GRK5: variants seen among roughly 807,000 people sequenced by gnomAD.
GRK5 encodes g protein-coupled receptor kinase GRK5.
GRK5 carries 40 observed loss-of-function variants against 78.4 expected under a neutral mutation model. That is an observed-to-expected ratio of 0.51 (90% CI 0.40 to 0.66). The LOEUF (loss-of-function observed/expected upper bound fraction) is 0.66. GRK5 is among the 30% of genes least tolerant of loss of function. The pLI is 0.00. For missense variants in GRK5, 598 were observed against 759.9 expected, an observed-to-expected ratio of 0.79 and a Z score of 2.50; for synonymous variants, 289 against 296.8, an observed-to-expected ratio of 0.97 and a Z score of 0.27.
rs1326586116 is a variant in GRK5 at position 119,368,588 on chromosome 10, A to G, written c.149-12227A>G. 2.6e-5 allele frequency among the ~76,000 whole-genome samples: 4 copies of G among 152,372 alleles called. No homozygotes were observed. The East Asian group carries it at 7.7e-4, about 29-fold the overall frequency. ...TTTGTAAAAGGGGAAACCAAGGTCC[A>G]GAGAGAAGAATGATGGGTCAGAGGT... On this transcript the variant is annotated intron_variant, in intron 2 of 15. Transcript: ENST00000392870.
intron 1 of GRK5, among the ~76,000 whole-genome samples, chr10:119,298,768 G>A (rs1399791374): frequency 6.6e-6 from 1 of 151,784 alleles, no homozygotes; most frequent in Non-Finnish European, 1.5e-5. Flanking sequence ...TTCATGCTCT[G>A]GCATGTTCAG....
At chr10:119,346,762 C>G (rs1851102510) in intron 2 of GRK5, among the ~76,000 whole-genome samples, 4 of 152,142 alleles carry the variant, frequency 2.6e-5, no homozygotes, top group Admixed American at 2.6e-4. Flanking sequence ...CCGGGTCCCC[C>G]AGGCTCCGGC....
rs770485408 is a variant in GRK5 at position 119,452,660 on chromosome 10, G to T, written c.1405-11G>T. ...GGGACATATGTGTGACCGGCCCTCT[G>T]CCCCTGGCAGCCCCGCGCTGTGTAC... On this transcript the variant is annotated splice_polypyrimidine_tract_variant and intron_variant, in intron 13 of 15. Transcript: ENST00000392870. This position sits in a 1 kb window ranked among gnomAD's most constrained non-coding sequence, Gnocchi z 4.4. The T allele has an allele frequency of 9.9e-6, 16 of 1,613,710 alleles. No homozygotes were observed. In the South Asian group the frequency reaches 1.6e-4, roughly 17 times the overall value.
intron 1 of GRK5, among the ~76,000 whole-genome samples, chr10:119,246,280 A>G (rs922167666): frequency 6.6e-6 from 1 of 152,082 alleles, no homozygotes; most frequent in South Asian, 2.1e-4. Flanking sequence ...ACCTCATACA[A>G]TGTAAATGCT....
At chr10:119,277,477 C>T (rs1419781471) in intron 1 of GRK5, among the ~76,000 whole-genome samples, 1 of 152,194 alleles carries the variant, frequency 6.6e-6, no homozygotes, top group Non-Finnish European at 1.5e-5. Context: ...CCCTCTCCCC[C>T]TCTTCTGCTC....
intron 1 of GRK5, among the ~76,000 whole-genome samples, chr10:119,244,273 T>G (rs1849070554): frequency 6.6e-6 from 1 of 152,266 alleles, no homozygotes; most frequent in Non-Finnish European, 1.5e-5. Flanking sequence ...AAATTTATAT[T>G]CTAATAGACC....
intron 1 of GRK5, among the ~76,000 whole-genome samples, chr10:119,260,877 A>G (rs1849371689): frequency 6.6e-6 from 1 of 151,988 alleles, no homozygotes; most frequent in South Asian, 2.1e-4. Context: ...CTATTCCACA[A>G]AACCGCCATT....
At chr10:119,233,771 T>C (rs1169869667) in intron 1 of GRK5, among the ~76,000 whole-genome samples, 1 of 152,106 alleles carries the variant, frequency 6.6e-6, no homozygotes, top group Non-Finnish European at 1.5e-5. Context: ...GAAGGCTGGA[T>C]GTGCACCTTT....
rs1851659079 is a variant in GRK5, at chr10:119,378,463, G to T, written c.149-2352G>T. Among the ~76,000 whole-genome samples the T allele has an allele frequency of 6.6e-6, 1 of 152,210 alleles. No homozygotes were observed. Among genetic ancestry groups the T allele is most frequent in the South Asian group, 2.1e-4 (1 of 4,834 alleles). ...TTTTAGAGTGCCTTCTTCAACATACGCTACTTAGACCGGGCGAATTCCTCC... is the reference window on the plus strand; with the variant it reads ...TTTTAGAGTGCCTTCTTCAACATACTCTACTTAGACCGGGCGAATTCCTCC... On this transcript the variant is annotated intron_variant, in intron 2 of 15. Coordinates refer to ENST00000392870, the MANE Select transcript of GRK5 (RefSeq NM_005308.3). This position sits in a 1 kb window ranked among gnomAD's most constrained non-coding sequence, Gnocchi z 4.5.
At chr10:119,290,840 T>C (rs1356837143) in intron 1 of GRK5, among the ~76,000 whole-genome samples, 1 of 152,006 alleles carries the variant, frequency 6.6e-6, no homozygotes, top group African/African-American at 2.4e-5. Flanking sequence ...ATCTCTTCCT[T>C]GTTTGTCTCA....
intron 11 of GRK5, 126 bp downstream of exon 11, chr10:119,442,214 C>A: frequency 1.3e-6 from 1 of 793,346 alleles, no homozygotes; most frequent in Non-Finnish European, 2.1e-6. Context: ...CACACAGAGT[C>A]ACAGTCTCTG....
At chr10:119,270,043 G>A (rs1178565745) in intron 1 of GRK5, among the ~76,000 whole-genome samples, 1 of 152,082 alleles carries the variant, frequency 6.6e-6, no homozygotes, top group African/African-American at 2.4e-5. Flanking sequence ...CCTCTGCCCA[G>A]AGTCCCGTGC....
chr10:119,452,427 TCG>T lies in GRK5; in HGVS notation c.1405-242_1405-241del. The T allele has an allele frequency of 2.0e-6, 1 of 500,876 alleles. No individual in the cohort carries two copies. Among genetic ancestry groups the T allele is most frequent in the Non-Finnish European group, 3.6e-6 (1 of 277,986 alleles). The allele number at this position is 500,876 out of a possible 1,614,324, so 31.0% of individuals were successfully genotyped here. ...AGGGCTGCACTGTCATCTGGAGGGG[TCG>T]CACAAAAAAACCACAGGCCATCATC... is the stretch of plus-strand genomic sequence containing the variant. On this transcript the variant is annotated intron_variant, in intron 13 of 15. Coordinates refer to ENST00000392870, the MANE Select transcript of GRK5 (RefSeq NM_005308.3). This position sits in a 1 kb window ranked among gnomAD's most constrained non-coding sequence, Gnocchi z 4.4.
At chr10:119,308,669 G>A (rs1850311698) in intron 1 of GRK5, among the ~76,000 whole-genome samples, 1 of 152,230 alleles carries the variant, frequency 6.6e-6, no homozygotes, top group Non-Finnish European at 1.5e-5. Context: ...ACGCGGTGGG[G>A]GAGCTTTCTT....
At chr10:119,396,850 G>A (rs1852063688) in intron 4 of GRK5, 78 bp downstream of exon 4, 3 of 1,055,872 alleles carry the variant, frequency 2.8e-6, no homozygotes, top group South Asian at 2.5e-5. Context: ...GTCTGTGCCA[G>A]GCCACATGGG....
Position 119,275,613 on chromosome 10 carries a change from G to GCGCACACACACACACACACACACA in GRK5, c.53-50902_53-50901insGCACACACACACACACACACACAC, listed in dbSNP as rs1195537574. On this transcript the variant is annotated intron_variant, in intron 1 of 15. Transcript: ENST00000392870. The stretch of plus-strand genomic sequence containing the variant: ...CTCTCTCTCTCTCTCTCTCTCTCTC[G>GCGCACACACACACACACACACACA]CACACACACACACACACACACACAC... 1.8e-3 allele frequency among the ~76,000 whole-genome samples: 223 copies of GCGCACACACACACACACACACACA among 120,710 alleles called. 1 individual carries two copies. Among genetic ancestry groups the GCGCACACACACACACACACACACA allele is most frequent in the African/African-American group, 6.1e-3 (208 of 34,268 alleles). The allele number at this position is 120,710 out of a possible 152,430, so 79.2% of individuals were successfully genotyped here. A position where few individuals can be genotyped will look rare whatever the true frequency, so the allele number is the denominator to read the frequency against.
chr10:119,398,121 C>T (rs547042140), intron 4 of GRK5, among the ~76,000 whole-genome samples: 1 of 152,310 alleles, frequency 6.6e-6, no homozygotes, highest in South Asian at 2.1e-4. Context: ...CAGATATGGG[C>T]CTGTTGCTGT....
rs1010779396 is a variant in GRK5, at chr10:119,378,430, A to T, written c.149-2385A>T. Among the ~76,000 whole-genome samples, 1 of 152,212 alleles carries T rather than the reference A, an allele frequency of 6.6e-6. No homozygotes were observed. The highest frequency in any genetic ancestry group is 2.4e-5 in the African/African-American group (1 of 41,462). On this transcript the variant is annotated intron_variant, in intron 2 of 15. Transcript: ENST00000392870. This position sits in a 1 kb window ranked among gnomAD's most constrained non-coding sequence, Gnocchi z 4.5. ...GATCCAAATACTCACTCGGGAGAGA[A>T]TGAAACGTTTTAGAGTGCCTTCTTC...
chr10:119,358,403 G>T (rs911526433), intron 2 of GRK5, among the ~76,000 whole-genome samples: 5 of 152,156 alleles, frequency 3.3e-5, no homozygotes, highest in Non-Finnish European at 5.9e-5. Context: ...ATGCTGAGTG[G>T]TGGTGCCAGG....
Sources: gnomAD v4.1 joint callset for allele counts (sites outside exome capture counted in the v4.1 genomes callset) on GRCh38, gnomAD v4.1.1 for gene constraint, Gnocchi (gnomAD v3.1) non-coding constraint, MANE v1.5 for transcripts, NCBI Gene and HGNC (gene_info 2026-07-23, HGNC 2026-07-21) for gene names.